Variants in MLLT10 observed in about 807,000 individuals in gnomAD.
The protein encoded by MLLT10 is protein AF-10.
MLLT10 carries 30 observed loss-of-function variants against 129.1 expected under a neutral mutation model. That is an observed-to-expected ratio of 0.23 (90% CI 0.17 to 0.32). MLLT10 has a LOEUF of 0.32. Ranked by LOEUF, MLLT10 falls within the 10% of genes least tolerant of loss-of-function variation. The pLI, the probability that MLLT10 is intolerant of heterozygous loss-of-function variation, is 1.00. For synonymous variants in MLLT10, 490 were observed against 446.4 expected, an observed-to-expected ratio of 1.10 and a Z score of -1.23; for missense variants, 1,119 against 1,268.3, an observed-to-expected ratio of 0.88 and a Z score of 1.79.
At chr10:21,555,252 C>T (rs1216451265) in intron 3 of MLLT10, among the ~76,000 whole-genome samples, 1 of 151,922 alleles carries the variant, frequency 6.6e-6, no homozygotes, top group Non-Finnish European at 1.5e-5. Flanking sequence ...GAGACAGAGT[C>T]TTGCCTGTCA....
intron 9 of MLLT10, among the ~76,000 whole-genome samples, chr10:21,660,744 G>C (rs1390889818): frequency 2.0e-5 from 3 of 150,092 alleles, no homozygotes; most frequent in African/African-American, 7.3e-5. Flanking sequence ...TATGGTGCCG[G>C]ACGCCTGTAA....
At chr10:21,645,592 A>G (rs951890185) in intron 8 of MLLT10, among the ~76,000 whole-genome samples, 5 of 152,184 alleles carry the variant, frequency 3.3e-5, no homozygotes, top group African/African-American at 1.2e-4. Flanking sequence ...CTTGATGATT[A>G]GTGATAATGA....
intron 3 of MLLT10, among the ~76,000 whole-genome samples, chr10:21,562,317 T>G (rs527645913): frequency 1.3e-5 from 2 of 150,060 alleles, no homozygotes; most frequent in South Asian, 4.2e-4. Context: ...TTGCTTTTTT[T>G]TATTTTTGTT....
intron 4 of MLLT10, among the ~76,000 whole-genome samples, chr10:21,587,606 A>G (rs1297646609): frequency 6.6e-5 from 10 of 152,094 alleles, no homozygotes; most frequent in Admixed American, 6.6e-4. Context: ...AGACCATGGC[A>G]TATATGATGA....
At chr10:21,649,269 G>T (rs1318308085) in intron 8 of MLLT10, among the ~76,000 whole-genome samples, 1 of 151,972 alleles carries the variant, frequency 6.6e-6, no homozygotes, top group African/African-American at 2.4e-5. Flanking sequence ...TAGAGATGGG[G>T]TCTCCCTATG....
intron 3 of MLLT10, among the ~76,000 whole-genome samples, chr10:21,554,982 C>T (rs1330746533): frequency 6.6e-6 from 1 of 150,588 alleles, no homozygotes; most frequent in Non-Finnish European, 1.5e-5. Context: ...CCACCATGCC[C>T]AGCTAATTTT....
At chr10:21,569,782 G>T (rs1564429355) in intron 3 of MLLT10, among the ~76,000 whole-genome samples, 1 of 151,278 alleles carries the variant, frequency 6.6e-6, no homozygotes, top group African/African-American at 2.4e-5. Flanking sequence ...TTGCTCTGTT[G>T]CCTGGGCTGG....
chr10:21,604,089 T>C (rs1364995646), intron 5 of MLLT10, among the ~76,000 whole-genome samples: 1 of 152,172 alleles, frequency 6.6e-6, no homozygotes, highest in East Asian at 1.9e-4. Context: ...GCAGTCTGCC[T>C]TCTGGACCCC....
rs752747737 is a variant in MLLT10, at chr10:21,727,894, A to G, written c.2029A>G (p.Arg677Gly). 6.2e-7 allele frequency: 1 copy of G among 1,614,144 alleles called. No individual in the cohort carries two copies. The highest frequency in any genetic ancestry group is 1.1e-5 in the South Asian group (1 of 91,062). The stretch of plus-strand genomic sequence containing the variant: ...AGACAATAGCCGCAACCTAGTTGGC[A>G]GAGGAAGCTCACCCCGAGGAAGTCT... The part of the protein sequence containing the change: ...LGDNSRNLVG[R>G]GSSPRGSLSP... The change falls in exon 16 of 23, where the codon AGA (arginine) becomes GGA (glycine). Residue 677 changes from arginine (R) to glycine (G), a missense_variant. Physicochemically the swap from Arg to Gly is moderately radical, Grantham distance 125 (BLOSUM62 -2). Transcript: ENST00000307729.
Position 21,534,253 on chromosome 10 carries a change from G to A in MLLT10, c.-268G>A, listed in dbSNP as rs759876619. 81 of 398,674 alleles carry A rather than the reference G, an allele frequency of 2.0e-4. No homozygotes were observed. Among genetic ancestry groups the A allele is most frequent in the Non-Finnish European group, 3.3e-4 (75 of 226,130 alleles). 24.7% of individuals were successfully genotyped at this position (398,674 alleles called of 1,614,324 possible). A position where few individuals can be genotyped will look rare whatever the true frequency, so the allele number is the denominator to read the frequency against. On this transcript the variant is annotated 5_prime_UTR_variant, in exon 1 of 23. Transcript: ENST00000307729. ...GGGCGCGCACGCCAAGTGACGCTCC[G>A]AGGAGGAAGCGCAGCCCCCTTCCCC...
At chr10:21,665,028 C>G (rs911410275) in intron 9 of MLLT10, among the ~76,000 whole-genome samples, 1 of 150,184 alleles carries the variant, frequency 6.7e-6, no homozygotes, top group African/African-American at 2.5e-5. Context: ...TCACTGCAAC[C>G]TCTGCCTCCT....
At chr10:21,566,019 C>G (rs1027464274) in intron 3 of MLLT10, among the ~76,000 whole-genome samples, 3 of 121,940 alleles carry the variant, frequency 2.5e-5, no homozygotes, top group Non-Finnish European at 4.7e-5. Context: ...GTGGTATGAT[C>G]TCGGCTCACT....
chr10:21,626,567 C>T (rs190861239), intron 8 of MLLT10, among the ~76,000 whole-genome samples: 127 of 152,144 alleles, frequency 8.3e-4, no homozygotes, highest in African/African-American at 2.9e-3. Context: ...TTTTAATGGC[C>T]CCATCAGCTC....
chr10:21,673,120 C>G (rs1234689396), intron 10 of MLLT10, among the ~76,000 whole-genome samples: 2 of 152,062 alleles, frequency 1.3e-5, no homozygotes, highest in African/African-American at 4.8e-5. Context: ...TGCAATTCCA[C>G]AGTAAACATT....
chr10:21,576,965 A>G (rs2040833761), intron 3 of MLLT10, among the ~76,000 whole-genome samples: 1 of 152,188 alleles, frequency 6.6e-6, no homozygotes, highest in African/African-American at 2.4e-5. Flanking sequence ...CTACATCACT[A>G]CAATCAATTT....
At chr10:21,699,231 G>A (rs1236710359) in intron 13 of MLLT10, among the ~76,000 whole-genome samples, 3 of 150,512 alleles carry the variant, frequency 2.0e-5, no homozygotes, top group African/African-American at 7.4e-5. Context: ...CTTGTTAATG[G>A]TATCTTTTTT....
intron 3 of MLLT10, among the ~76,000 whole-genome samples, chr10:21,563,942 A>G (rs1160908715): frequency 2.0e-5 from 3 of 151,928 alleles, no homozygotes; most frequent in African/African-American, 4.8e-5. Flanking sequence ...CCTCCCGAGT[A>G]GCTGGGACTA....
At chr10:21,579,565 CT>C (rs1211623180) in intron 3 of MLLT10, among the ~76,000 whole-genome samples, 374 of 132,014 alleles carry the variant, frequency 2.8e-3, no homozygotes, top group African/African-American at 4.1e-3. Flanking sequence ...AGATTAGATT[CT>C]TTTTTTTTTT....
chr10:21,601,898 A>G (rs1372963256), intron 5 of MLLT10, among the ~76,000 whole-genome samples: 1 of 152,152 alleles, frequency 6.6e-6, no homozygotes. Context: ...GGAGTACTCT[A>G]GATGATAGGT....
Sources: gnomAD v4.1 joint callset for allele counts (sites outside exome capture counted in the v4.1 genomes callset) on GRCh38, gnomAD v4.1.1 for gene constraint, MANE v1.5 for transcripts, NCBI Gene and HGNC (gene_info 2026-07-23, HGNC 2026-07-21) for gene names.